The following VRK3 variants were observed in gnomAD, a reference collection of about 807,000 sequenced individuals.
VRK3 encodes serine/threonine-protein kinase VRK3.
A neutral mutation model predicts 60.4 loss-of-function variants in VRK3; 50 were observed. That is an observed-to-expected ratio of 0.83 (90% CI 0.66 to 1.05). The LOEUF is 1.05. Among genes scored for constraint, VRK3 ranks in the 50% least tolerant of loss-of-function variants. The pLI, the probability that VRK3 is intolerant of heterozygous loss-of-function variation, is 0.00. For missense variants in VRK3, 549 were observed against 585.3 expected (o/e 0.94, Z 0.64); for synonymous variants, 246 against 227.8 (o/e 1.08, Z -0.72).
At chr19:50,009,540 A>T (rs1443716160) in intron 3 of VRK3, among the ~76,000 whole-genome samples, 155 bp from the exon 4 acceptor site, 2 of 152,150 alleles carry the variant, frequency 1.3e-5, no homozygotes, top group African/African-American at 2.4e-5. Flanking sequence ...ATATGAGCAA[A>T]CTGTTCCTTT....
chr19:49,989,893 C>T (rs2076581064), intron 10 of VRK3, 122 bp from the exon 11 acceptor site: 2 of 1,158,866 alleles, frequency 1.7e-6, no homozygotes, highest in Non-Finnish European at 1.2e-6. Flanking sequence ...ACTTACAAAA[C>T]TAAGGCATGC....
intron 12 of VRK3, among the ~76,000 whole-genome samples, chr19:49,982,600 T>A (rs895188921): frequency 2.0e-5 from 3 of 152,222 alleles, no homozygotes; most frequent in Non-Finnish European, 4.4e-5. Context: ...TGGGAACATG[T>A]GTGTCAGATG....
At chr19:49,989,498 G>C in intron 11 of VRK3, 141 bp downstream of exon 11, 1 of 1,194,946 alleles carries the variant, frequency 8.4e-7, no homozygotes, top group Non-Finnish European at 1.1e-6. Flanking sequence ...TCGGGACGCT[G>C]TCTGTGGTTC....
intron 13 of VRK3, among the ~76,000 whole-genome samples, chr19:49,980,754 A>T (rs1457411459): frequency 6.6e-6 from 1 of 150,732 alleles, no homozygotes; most frequent in South Asian, 2.1e-4. Context: ...CTTCAAAAAA[A>T]AGTTGTGTTT....
chr19:50,010,378 T>C (rs10418769), intron 3 of VRK3, among the ~76,000 whole-genome samples: 7,987 of 152,310 alleles, frequency 0.052, 689 homozygotes, highest in African/African-American at 0.18. Context: ...GCTTATTTCC[T>C]GGTGTCTTTG....
intron 2 of VRK3, among the ~76,000 whole-genome samples, chr19:50,017,225 A>G (rs1307750585): frequency 6.6e-6 from 1 of 151,850 alleles, no homozygotes; most frequent in Non-Finnish European, 1.5e-5. Flanking sequence ...CAGCAACAAA[A>G]AAAGGCCATT....
chr19:49,999,671 C>G (rs1406578411), intron 6 of VRK3: 1 of 152,142 alleles, frequency 6.6e-6, no homozygotes, highest in African/African-American at 2.4e-5. Flanking sequence ...GGGACTGGGA[C>G]ATGACATGGC....
At chr19:49,981,284 C>A in intron 12 of VRK3, 1 of 454,392 alleles carries the variant, frequency 2.2e-6, no homozygotes, top group Non-Finnish European at 4.0e-6. Context: ...CAGTGGCTCA[C>A]GCCTGTAATC....
At position 49,981,552 on chromosome 19, in the gene VRK3, A is replaced by T. The variant is rs2123005259; in HGVS notation, c.1218-539T>A. 2 of 488,802 alleles carry T rather than the reference A, an allele frequency of 4.1e-6. 1 individual carries two copies. Among genetic ancestry groups the T allele is most frequent in the South Asian group, 1.7e-4 (2 of 11,922 alleles). 30.3% of individuals were successfully genotyped at this position (488,802 alleles called of 1,614,324 possible). On this transcript the variant is annotated intron_variant, in intron 12 of 14. Transcript: ENST00000316763. Reference sequence around the variant, plus strand: ...AGAGAGAGACTCCGTCTCAAAAACAAAACAAAACAAAACAATACACCTTGT... The same window carrying T: ...AGAGAGAGACTCCGTCTCAAAAACATAACAAAACAAAACAATACACCTTGT...
intron 9 of VRK3, among the ~76,000 whole-genome samples, chr19:49,994,433 A>G (rs1005146344): frequency 4.6e-5 from 7 of 152,140 alleles, no homozygotes; most frequent in Non-Finnish European, 1.0e-4. Context: ...TCCCTTCCAC[A>G]CAAGCCTTGC....
chr19:49,977,212 CG>C (rs905283766), intron 14 of VRK3, among the ~76,000 whole-genome samples: 1 of 145,660 alleles, frequency 6.9e-6, no homozygotes, highest in African/African-American at 2.6e-5. Context: ...ATCAGAGGGG[CG>C]GGGGTGTGGC....
At chr19:50,007,434 T>A (rs2076915246) in intron 5 of VRK3, 135 bp downstream of exon 5, 1 of 1,352,244 alleles carries the variant, frequency 7.4e-7, no homozygotes, top group Non-Finnish European at 1.0e-6. Flanking sequence ...GAGTCCAAGG[T>A]CTAAGAGAAA....
At chr19:49,989,487 G>A in intron 11 of VRK3, 152 bp downstream of exon 11, 1 of 1,089,308 alleles carries the variant, frequency 9.2e-7, no homozygotes, top group Non-Finnish European at 1.3e-6. Flanking sequence ...CTCCCTTGCG[G>A]TCGGGACGCT....
rs531001193 is a variant in VRK3 at position 50,015,949 on chromosome 19, T to C, written c.139+75A>G. On this transcript the variant is annotated intron_variant, in intron 3 of 14. Coordinates refer to ENST00000316763, the MANE Select transcript of VRK3 (RefSeq NM_016440.4). The stretch of plus-strand genomic sequence containing the variant: ...CAGGGTCAGACAGGCTGCAAAGGCA[T>C]CCTCCCTCCGCAGACACACACGTGT... The C allele has an allele frequency of 1.5e-4, 242 of 1,591,872 alleles. 1 individual carries two copies. The highest frequency in any genetic ancestry group is 1.4e-3 in the East Asian group (62 of 44,596).
intron 11 of VRK3, 108 bp from the exon 12 acceptor site, chr19:49,988,600 T>C: frequency 2.8e-6 from 4 of 1,421,866 alleles, no homozygotes; most frequent in Non-Finnish European, 2.8e-6. Context: ...CACACACTCA[T>C]ACACCCAGCC....
intron 14 of VRK3, among the ~76,000 whole-genome samples, chr19:49,978,005 C>T (rs2076359530): frequency 6.6e-6 from 1 of 152,158 alleles, no homozygotes; most frequent in African/African-American, 2.4e-5. Context: ...AATCCAAGCG[C>T]CAAGAAGAAC....
intron 5 of VRK3, among the ~76,000 whole-genome samples, chr19:50,003,634 T>C (rs2076846552): frequency 6.6e-6 from 1 of 152,254 alleles, no homozygotes; most frequent in Non-Finnish European, 1.5e-5. Flanking sequence ...TGGGGTAAAG[T>C]GTCCACTGCT....
chr19:50,016,644 C>G (rs2077083412), intron 2 of VRK3, among the ~76,000 whole-genome samples: 1 of 152,204 alleles, frequency 6.6e-6, no homozygotes, highest in South Asian at 2.1e-4. Flanking sequence ...CATGGCAGCA[C>G]AGCCTATTCT....
intron 1 of VRK3, among the ~76,000 whole-genome samples, chr19:50,024,122 G>A (rs548480801): frequency 1.3e-5 from 2 of 152,240 alleles, no homozygotes; most frequent in Non-Finnish European, 2.9e-5. Context: ...ATTTTTAGTA[G>A]AGATGGGGTT....
Sources: gnomAD v4.1 joint callset for allele counts (sites outside exome capture counted in the v4.1 genomes callset) on GRCh38, gnomAD v4.1.1 for gene constraint, MANE v1.5 for transcripts, NCBI Gene and HGNC (gene_info 2026-07-23, HGNC 2026-07-21) for gene names.